SPATA13: variants seen among roughly 807,000 people sequenced by gnomAD.
SPATA13 encodes spermatogenesis-associated protein 13.
SPATA13 carries 50 observed loss-of-function variants against 104.0 expected under a neutral mutation model. That is an observed-to-expected ratio of 0.48 (90% CI 0.38 to 0.61). The LOEUF (loss-of-function observed/expected upper bound fraction) is 0.61. SPATA13 is among the 20% of genes least tolerant of loss of function. The pLI, the probability that SPATA13 is intolerant of heterozygous loss-of-function variation, is 0.00. For synonymous variants in SPATA13, 606 were observed against 667.5 expected (o/e 0.91, Z 1.42); for missense variants, 1,524 against 1,690.6 (o/e 0.90, Z 1.73).
At chr13:24,048,854 G>T (rs1165928108) in intron 3 of SPATA13, among the ~76,000 whole-genome samples, 1 of 152,072 alleles carries the variant, frequency 6.6e-6, no homozygotes, top group South Asian at 2.1e-4. Context: ...TCCAGGAAAA[G>T]TTGTATTTAG....
At chr13:24,101,176 A>G (rs1352392589) in intron 3 of SPATA13, among the ~76,000 whole-genome samples, 2 of 152,062 alleles carry the variant, frequency 1.3e-5, no homozygotes, top group Admixed American at 6.6e-5. Flanking sequence ...TTGCTCCTCT[A>G]CTGTTCTCAT....
intron 3 of SPATA13, among the ~76,000 whole-genome samples, chr13:24,057,292 C>T (rs962876100): frequency 3.1e-4 from 47 of 149,718 alleles, no homozygotes; most frequent in African/African-American, 1.1e-3. Flanking sequence ...TTCTTAATCT[C>T]GGCCACTTCT....
At chr13:24,277,157 A>G (rs1875048937) in intron 4 of SPATA13, among the ~76,000 whole-genome samples, 1 of 152,176 alleles carries the variant, frequency 6.6e-6, no homozygotes, top group Non-Finnish European at 1.5e-5. Context: ...TAAGAAGTTC[A>G]CCTTGGGCCG....
chr13:24,105,803 G>A (rs1209929957), intron 3 of SPATA13, among the ~76,000 whole-genome samples: 1 of 152,116 alleles, frequency 6.6e-6, no homozygotes, highest in Non-Finnish European at 1.5e-5. Context: ...GGCCCTTATG[G>A]TGGGCCTTAA....
intron 2 of SPATA13, among the ~76,000 whole-genome samples, chr13:24,235,024 T>A (rs1334505139): frequency 6.6e-6 from 1 of 152,262 alleles, no homozygotes; most frequent in East Asian, 1.9e-4. Flanking sequence ...GTATGGTACT[T>A]ACCACAGTGC....
In SPATA13 at chr13:24,071,876, G is replaced by A. The variant is rs146647827; in HGVS notation, c.-112+54175G>A. ...ATTTTTGAGCAAGATGATTCTCCCC[G>A]TGTGCACTTTAAAACAGCTGACTCG... On this transcript the variant is annotated intron_variant, in intron 3 of 14. Transcript: ENST00000424834. Among the ~76,000 whole-genome samples, 426 of 152,230 alleles carry A rather than the reference G, an allele frequency of 2.8e-3. 1 individual carries two copies. The highest frequency in any genetic ancestry group is 9.8e-3 in the African/African-American group (408 of 41,520).
chr13:24,187,629 A>G (rs371082993), intron 1 of SPATA13, among the ~76,000 whole-genome samples: 46 of 152,290 alleles, frequency 3.0e-4, no homozygotes, highest in African/African-American at 1.1e-3. Context: ...TCAAGCATTT[A>G]AATTATTATA....
chr13:24,054,253 GA>G (rs1878462767), intron 3 of SPATA13, among the ~76,000 whole-genome samples: 1 of 152,182 alleles, frequency 6.6e-6, no homozygotes, highest in Non-Finnish European at 1.5e-5. Flanking sequence ...ATTTAGCCAG[GA>G]AAAGGGAAGA....
intron 1 of SPATA13, among the ~76,000 whole-genome samples, chr13:24,215,430 CA>C (rs558113713): frequency 1.1e-3 from 175 of 152,290 alleles, no homozygotes; most frequent in African/African-American, 3.9e-3. Flanking sequence ...TCAACAGTGG[CA>C]AAATGGTCTG....
In SPATA13 at chr13:24,224,421, T is replaced by C. The variant is rs528500472; in HGVS notation, c.1492T>C (p.Ser498Pro). ...HSNHSALSAN[S>P]EESEGRAEEP... ...CAATCACAGTGCCCTGTCCGCGAAT[T>C]CAGAGGAAAGTGAAGGAAGGGCAGA... Residue 498 changes from serine to proline, a missense_variant, in exon 2 of 13, where the codon TCA becomes CCA. Coordinates refer to ENST00000382108, the MANE Select transcript of SPATA13 (RefSeq NM_001166271.3). 1 of 1,551,722 alleles carries C rather than the reference T, an allele frequency of 6.4e-7. No individual in the cohort carries two copies. Among genetic ancestry groups the C allele is most frequent in the Non-Finnish European group, 8.7e-7 (1 of 1,146,990 alleles).
intron 2 of SPATA13, among the ~76,000 whole-genome samples, chr13:24,225,647 G>A (rs1354812140): frequency 3.3e-5 from 5 of 152,208 alleles, no homozygotes; most frequent in African/African-American, 1.2e-4. Flanking sequence ...CCCCACCACT[G>A]CTTCCTGTTG....
chr13:24,209,490 G>T (rs1870894563), intron 1 of SPATA13, among the ~76,000 whole-genome samples: 1 of 152,184 alleles, frequency 6.6e-6, no homozygotes. Flanking sequence ...TCTGCTTTCA[G>T]TTCTGCGTGT....
intron 9 of SPATA13, among the ~76,000 whole-genome samples, chr13:24,293,373 A>T (rs1876541306): frequency 1.3e-5 from 2 of 152,162 alleles, no homozygotes; most frequent in Non-Finnish European, 2.9e-5. Flanking sequence ...AAGACAATTA[A>T]TAAGAAAATT....
chr13:24,095,696 A>G (rs1212812370), intron 3 of SPATA13, among the ~76,000 whole-genome samples: 3 of 152,216 alleles, frequency 2.0e-5, no homozygotes. Context: ...TGCAAAACTC[A>G]AAACAGTGGA....
chr13:24,142,059 G>A (rs955681742), intron 3 of SPATA13, among the ~76,000 whole-genome samples: 3 of 151,828 alleles, frequency 2.0e-5, no homozygotes, highest in African/African-American at 7.3e-5. Context: ...TGTGGTTTAC[G>A]GTCCTGATAT....
intron 3 of SPATA13, among the ~76,000 whole-genome samples, chr13:24,031,021 T>C (rs1877457034): frequency 6.6e-6 from 1 of 152,218 alleles, no homozygotes; most frequent in Non-Finnish European, 1.5e-5. Context: ...CCAAAGCCTA[T>C]GTTTTCACCC....
At chr13:24,020,972 C>T (rs993824723) in intron 3 of SPATA13, among the ~76,000 whole-genome samples, 1 of 152,096 alleles carries the variant, frequency 6.6e-6, no homozygotes. Flanking sequence ...ACCCAGGAGG[C>T]GGTGGTTGCA....
intron 3 of SPATA13, among the ~76,000 whole-genome samples, chr13:24,114,383 G>A (rs764780980): frequency 9.2e-5 from 14 of 152,214 alleles, no homozygotes; most frequent in African/African-American, 1.4e-4. Context: ...GTGCACATGC[G>A]CGTGTGTGTG....
At chr13:24,253,236 A>G (rs1000039896) in intron 4 of SPATA13, 1 of 152,192 alleles carries the variant, frequency 6.6e-6, no homozygotes, top group Non-Finnish European at 1.5e-5. Context: ...TATTTAACAG[A>G]GCAGACAGTA....
Sources: gnomAD v4.1 joint callset for allele counts (sites outside exome capture counted in the v4.1 genomes callset) on GRCh38, gnomAD v4.1.1 for gene constraint, MANE v1.5 for transcripts, NCBI Gene and HGNC (gene_info 2026-07-23, HGNC 2026-07-21) for gene names.